The following PLCG2 variants were observed in gnomAD, a reference collection of about 807,000 sequenced individuals.
The protein encoded by PLCG2 is phospholipase C gamma 2, also known as 1-phosphatidylinositol 4,5-bisphosphate phosphodiesterase gamma-2.
In PLCG2, 69 loss-of-function variants were observed where a neutral mutation model predicts 175.6. That is an observed-to-expected ratio of 0.39 (90% CI 0.32 to 0.48). The LOEUF is 0.48. Among genes scored for constraint, PLCG2 ranks in the 20% least tolerant of loss-of-function variants. PLCG2 has a pLI of 0.91. For missense variants in PLCG2, 1,798 were observed against 1,650.9 expected (o/e 1.09, Z -1.54); for synonymous variants, 827 against 624.0 (o/e 1.33, Z -4.85).
intron 25 of PLCG2, among the ~76,000 whole-genome samples, chr16:81,933,787 C>A (rs1422252553): frequency 6.6e-6 from 1 of 152,190 alleles, no homozygotes; most frequent in Admixed American, 6.5e-5. Flanking sequence ...CAATAAAAGT[C>A]TGATAGAATT....
At chr16:81,785,850 T>G (rs2143173669) in intron 1 of PLCG2, 93 bp from the exon 2 acceptor site, 95 of 735,508 alleles carry the variant, frequency 1.3e-4, no homozygotes, top group East Asian at 2.8e-4. Context: ...CTGATTGACA[T>G]GAGACAGGAT....
chr16:81,938,309 T>G (rs539532892), intron 28 of PLCG2, among the ~76,000 whole-genome samples: 277 of 152,262 alleles, frequency 1.8e-3, no homozygotes, highest in African/African-American at 6.3e-3. Flanking sequence ...AGAGAAAGTG[T>G]TGTTGCTTTG....
chr16:81,846,839 C>G (rs976985904), intron 2 of PLCG2, among the ~76,000 whole-genome samples: 1 of 151,884 alleles, frequency 6.6e-6, no homozygotes, highest in African/African-American at 2.4e-5. Flanking sequence ...TGTTTTTTTT[C>G]TCTTTCTCTT....
chr16:81,805,764 TTTGTTTTTTTTTTTTTTTG>T, intron 2 of PLCG2, among the ~76,000 whole-genome samples: 1 of 85,186 alleles, frequency 1.2e-5, no homozygotes, highest in African/African-American at 4.7e-5. Context: ...AGTGTTTTGT[TTTGTTTTTTTTTTTTTTTG>T]TTTTTTTTTT....
rs372606303 is a variant in PLCG2 at position 81,939,921 on chromosome 16, C to G, written c.3343C>G (p.Pro1115Ala). The G allele has an allele frequency of 1.2e-6, 2 of 1,614,022 alleles. No individual in the cohort carries two copies. The highest frequency in any genetic ancestry group is 1.7e-6 in the Non-Finnish European group (2 of 1,179,884). The change falls in exon 30 of 33, where the codon CCA (proline) becomes GCA (alanine). Residue 1115 changes from proline to alanine, a missense_variant. Physicochemically the swap from Pro to Ala is conservative, Grantham distance 27 (BLOSUM62 -1). Transcript: ENST00000564138. Reference sequence around the variant, plus strand: ...TAATGGCCTCAGCCCTATCTGGGCTCCAACACAGGAGAAGGTGACATTTGA... The same window carrying G: ...TAATGGCCTCAGCCCTATCTGGGCTGCAACACAGGAGAAGGTGACATTTGA... ...NDNGLSPIWA[P>A]TQEKVTFEIY...
intron 2 of PLCG2, among the ~76,000 whole-genome samples, chr16:81,773,066 C>T (rs1053551012): frequency 4.6e-5 from 7 of 152,142 alleles, no homozygotes; most frequent in African/African-American, 1.7e-4. Context: ...AAATATACTG[C>T]CAAATGTGGA....
intron 7 of PLCG2, among the ~76,000 whole-genome samples, chr16:81,873,034 T>G (rs112911514): frequency 0.056 from 8,593 of 152,266 alleles, 263 homozygotes; most frequent in Middle Eastern, 0.092. Flanking sequence ...GGAAAACATA[T>G]TTCTTAGAGT....
intron 1 of PLCG2, among the ~76,000 whole-genome samples, chr16:81,754,261 C>T (rs1296147309): frequency 6.8e-6 from 1 of 147,278 alleles, no homozygotes; most frequent in African/African-American, 2.5e-5. Flanking sequence ...CCTTCCCTTC[C>T]CTCCCCATCT....
At chr16:81,935,447 C>T (rs1910668185) in intron 26 of PLCG2, 1 of 815,806 alleles carries the variant, frequency 1.2e-6, no homozygotes, top group Non-Finnish European at 1.5e-6. Flanking sequence ...AGACCTTCTA[C>T]CACATTCTCC....
chr16:81,868,312 C>T (rs78177318), intron 5 of PLCG2, among the ~76,000 whole-genome samples: 1,634 of 145,522 alleles, frequency 0.011, 30 homozygotes, highest in African/African-American at 0.036. Flanking sequence ...ACTTCCCCTC[C>T]CTGGCCCTTA....
intron 1 of PLCG2, among the ~76,000 whole-genome samples, chr16:81,753,807 T>G (rs1909862814): frequency 6.6e-6 from 1 of 152,246 alleles, no homozygotes; most frequent in South Asian, 2.1e-4. Context: ...GGGGAAAATA[T>G]GAAGGGAGCT....
chr16:81,855,650 T>C (rs12930505), intron 3 of PLCG2, among the ~76,000 whole-genome samples: 40,096 of 151,890 alleles, frequency 0.26, 5,664 homozygotes, highest in Non-Finnish European at 0.32. Context: ...CAGATGTGTG[T>C]ACTGGGATAA....
At chr16:81,942,697 G>T in intron 30 of PLCG2, among the ~76,000 whole-genome samples, 1 of 152,178 alleles carries the variant, frequency 6.6e-6, no homozygotes, top group East Asian at 1.9e-4. Context: ...CTTTGAGGCC[G>T]AGAGACTATG....
intron 2 of PLCG2, among the ~76,000 whole-genome samples, chr16:81,760,508 A>G (rs1407755086): frequency 6.6e-6 from 1 of 152,132 alleles, no homozygotes; most frequent in Non-Finnish European, 1.5e-5. Flanking sequence ...GTGGGAAAAC[A>G]AGATCTGGCT....
At chr16:81,907,855 T>G in intron 16 of PLCG2, 81 bp downstream of exon 16, 1 of 977,966 alleles carries the variant, frequency 1.0e-6, no homozygotes, top group Non-Finnish European at 1.6e-6. Flanking sequence ...CTCCTTCCCA[T>G]GTGGCTTCTC....
chr16:81,940,413 G>C (rs937747169), intron 30 of PLCG2, among the ~76,000 whole-genome samples: 28 of 152,134 alleles, frequency 1.8e-4, no homozygotes. Context: ...CTGCTCTCTG[G>C]CTGGCAGTGT....
chr16:81,927,184 TC>T lies in PLCG2; in HGVS notation c.2514+11del, dbSNP rs760297794. On this transcript the variant is annotated splice_region_variant and intron_variant, in intron 23 of 32. Coordinates refer to ENST00000564138, the MANE Select transcript of PLCG2 (RefSeq NM_002661.5). ...TCGAGGAGCTAGAAAAGCAGGTGAG[TC>T]CCCCTCTTCGATCCTCTTACAGGAA... 1.3e-5 allele frequency: 21 copies of T among 1,589,758 alleles called. No individual in the cohort carries two copies. The highest frequency in any genetic ancestry group is 1.8e-5 in the Non-Finnish European group (21 of 1,158,094).
At chr16:81,882,482 C>G (rs914337316) in intron 8 of PLCG2, among the ~76,000 whole-genome samples, 9 of 152,242 alleles carry the variant, frequency 5.9e-5, no homozygotes, top group Admixed American at 4.6e-4. Flanking sequence ...GCCCTTGGGT[C>G]TGGCTCCTGT....
chr16:81,899,675 G>A (rs760563926), intron 13 of PLCG2, among the ~76,000 whole-genome samples: 4 of 152,116 alleles, frequency 2.6e-5, no homozygotes, highest in African/African-American at 7.2e-5. Context: ...CAAATGGCCC[G>A]AAGCACAGTG....
Sources: gnomAD v4.1 joint callset for allele counts (sites outside exome capture counted in the v4.1 genomes callset) on GRCh38, gnomAD v4.1.1 for gene constraint, MANE v1.5 for transcripts, NCBI Gene and HGNC (gene_info 2026-07-23, HGNC 2026-07-21) for gene names.